The following CSMD1 variants were observed in gnomAD, a reference collection of about 807,000 sequenced individuals.
The protein encoded by CSMD1 is CUB and sushi domain-containing protein 1.
A neutral mutation model predicts 417.5 loss-of-function variants in CSMD1; 213 were observed. That is an observed-to-expected ratio of 0.51 (90% CI 0.46 to 0.57). CSMD1 has a LOEUF of 0.57. Among genes scored for constraint, CSMD1 ranks in the 20% least tolerant of loss-of-function variants. CSMD1 has a pLI of 0.00. For missense variants in CSMD1, 6,923 were observed against 4,529.7 expected, an observed-to-expected ratio of 1.53 and a Z score of -15.17; for synonymous variants, 2,862 against 1,736.8, an observed-to-expected ratio of 1.65 and a Z score of -16.11.
intron 7 of CSMD1, among the ~76,000 whole-genome samples, chr8:3,633,738 T>G (rs993801116): frequency 6.6e-6 from 1 of 152,224 alleles, no homozygotes; most frequent in Non-Finnish European, 1.5e-5. Context: ...ATGTAAACAC[T>G]GATTTCCCTT....
At chr8:4,924,093 G>A (rs571321832) in intron 1 of CSMD1, among the ~76,000 whole-genome samples, 2 of 152,202 alleles carry the variant, frequency 1.3e-5, no homozygotes, top group African/African-American at 2.4e-5. Flanking sequence ...AGTTTCTGCC[G>A]TCATGATTCT....
intron 23 of CSMD1, among the ~76,000 whole-genome samples, chr8:3,327,403 G>C (rs1806602906): frequency 6.6e-6 from 1 of 152,150 alleles, no homozygotes; most frequent in Admixed American, 6.5e-5. Context: ...AAAGTGCTGG[G>C]ATTACAGGCA....
chr8:3,549,725 C>T (rs1169721211), intron 10 of CSMD1, among the ~76,000 whole-genome samples: 1 of 152,120 alleles, frequency 6.6e-6, no homozygotes, highest in Non-Finnish European at 1.5e-5. Context: ...ACAGAAAGTT[C>T]CCACCAGCAA....
intron 2 of CSMD1, among the ~76,000 whole-genome samples, chr8:4,624,699 G>A (rs1035041729): frequency 4.6e-5 from 7 of 152,204 alleles, no homozygotes; most frequent in Non-Finnish European, 8.8e-5. Context: ...AAGCTCACAA[G>A]AATGTATTTT....
intron 48 of CSMD1, among the ~76,000 whole-genome samples, chr8:3,089,102 A>C (rs992060487): frequency 6.6e-6 from 1 of 152,222 alleles, no homozygotes; most frequent in South Asian, 2.1e-4. Flanking sequence ...CACAGAATAC[A>C]AAGAGAGACT....
At chr8:4,613,562 A>G (rs1801304669) in intron 2 of CSMD1, among the ~76,000 whole-genome samples, 1 of 152,198 alleles carries the variant, frequency 6.6e-6, no homozygotes, top group East Asian at 1.9e-4. Flanking sequence ...CACAATGACT[A>G]CAGTTAAGTG....
At chr8:2,971,164 A>G (rs552959064) in intron 57 of CSMD1, among the ~76,000 whole-genome samples, 1 of 152,294 alleles carries the variant, frequency 6.6e-6, no homozygotes, top group South Asian at 2.1e-4. Context: ...GTTGTCTCAT[A>G]CACACCCATA....
At chr8:4,033,859 G>C (rs140793414) in intron 3 of CSMD1, among the ~76,000 whole-genome samples, 3 of 152,036 alleles carry the variant, frequency 2.0e-5, no homozygotes, top group East Asian at 3.9e-4. Flanking sequence ...GAACTGAAAC[G>C]GTACATCATT....
intron 3 of CSMD1, among the ~76,000 whole-genome samples, chr8:4,340,935 G>C (rs895971920): frequency 6.6e-6 from 1 of 152,026 alleles, no homozygotes; most frequent in African/African-American, 2.4e-5. Context: ...TTCTAGGCCT[G>C]AGAGAATGTA....
chr8:3,904,647 T>TA (rs1029188214), intron 5 of CSMD1, among the ~76,000 whole-genome samples: 25 of 150,824 alleles, frequency 1.7e-4, no homozygotes, highest in African/African-American at 6.1e-4. Context: ...TTCTTTTTTT[T>TA]TTTTTTTGAG....
chr8:4,690,257 T>G (rs1806683179), intron 1 of CSMD1, among the ~76,000 whole-genome samples: 1 of 152,194 alleles, frequency 6.6e-6, no homozygotes, highest in Non-Finnish European at 1.5e-5. Context: ...TTAATGAAAT[T>G]TCCCTTGCTT....
At chr8:3,592,175 G>C (rs1800878608) in intron 8 of CSMD1, among the ~76,000 whole-genome samples, 1 of 152,088 alleles carries the variant, frequency 6.6e-6, no homozygotes, top group African/African-American at 2.4e-5. Flanking sequence ...TAGGTAGATA[G>C]ATTGACAGAT....
intron 5 of CSMD1, among the ~76,000 whole-genome samples, chr8:3,875,161 G>A (rs201922732): frequency 1.3e-5 from 2 of 152,130 alleles, no homozygotes; most frequent in East Asian, 3.9e-4. Context: ...TGCGACACTG[G>A]GGAATGGACT....
chr8:4,366,847 C>G (rs1489866832), intron 3 of CSMD1, among the ~76,000 whole-genome samples: 1 of 152,056 alleles, frequency 6.6e-6, no homozygotes, highest in Non-Finnish European at 1.5e-5. Flanking sequence ...TGTTTATCTT[C>G]TTTTGAGAAG....
chr8:3,331,782 C>T (rs141943819), intron 23 of CSMD1, among the ~76,000 whole-genome samples: 13 of 152,238 alleles, frequency 8.5e-5, no homozygotes, highest in Admixed American at 5.2e-4. Flanking sequence ...TTAAAGTTAC[C>T]GTGTGAATGA....
chr8:4,228,158 A>G (rs1443568877), intron 3 of CSMD1, among the ~76,000 whole-genome samples: 1 of 151,840 alleles, frequency 6.6e-6, no homozygotes, highest in Non-Finnish European at 1.5e-5. Context: ...ATGCCACAGA[A>G]GGAAACACCC....
intron 3 of CSMD1, among the ~76,000 whole-genome samples, chr8:4,333,607 T>C (rs1221195189): frequency 6.6e-6 from 1 of 152,182 alleles, no homozygotes; most frequent in Non-Finnish European, 1.5e-5. Flanking sequence ...TTGTTACTGA[T>C]GCAGATATAT....
At chr8:4,051,566 A>C (rs1287799185) in intron 3 of CSMD1, among the ~76,000 whole-genome samples, 2 of 152,222 alleles carry the variant, frequency 1.3e-5, no homozygotes, top group African/African-American at 4.8e-5. Flanking sequence ...ACAATCAAGC[A>C]AACCTCTGTC....
intron 1 of CSMD1, among the ~76,000 whole-genome samples, chr8:4,661,174 A>T (rs978648465): frequency 1.3e-5 from 2 of 152,218 alleles, no homozygotes; most frequent in Admixed American, 6.5e-5. Context: ...GAAATTTTAT[A>T]GCAGCGTTAT....
Sources: gnomAD v4.1 joint callset for allele counts (sites outside exome capture counted in the v4.1 genomes callset) on GRCh38, gnomAD v4.1.1 for gene constraint, MANE v1.5 for transcripts, NCBI Gene and HGNC (gene_info 2026-07-23, HGNC 2026-07-21) for gene names.